STAMBPL1: variants seen among roughly 807,000 people sequenced by gnomAD.
The protein encoded by STAMBPL1 is STAM binding protein like 1.
STAMBPL1 carries 44 observed loss-of-function variants against 52.9 expected under a neutral mutation model. The ratio of observed to expected loss-of-function variants is 0.83; its 90% CI spans 0.65 to 1.07. The LOEUF is 1.07. Among genes scored for constraint, STAMBPL1 ranks in the 50% least tolerant of loss-of-function variants. STAMBPL1 has a pLI of 0.00. For missense variants in STAMBPL1, 511 were observed against 520.8 expected (o/e 0.98, Z 0.18); for synonymous variants, 164 against 177.3 (o/e 0.92, Z 0.60).
chr10:88,916,741 A>C lies in STAMBPL1; in HGVS notation c.965A>C (p.Tyr322Ser). Residue 322 changes from tyrosine to serine, a missense_variant, in exon 8 of 11, where the codon TAT (tyrosine) becomes TCT (serine). This residue lies in a region of STAMBPL1 where 137 missense variants were observed against 139.9 expected (regional missense o/e 0.98). Coordinates refer to ENST00000371926, the MANE Select transcript of STAMBPL1 (RefSeq NM_020799.4). Reference protein sequence around the residue: ...IVPKQSAGPDYCDMENVEELF... With the variant: ...IVPKQSAGPDSCDMENVEELF... Reference sequence around the variant, plus strand: ...CCAAAGCAGTCTGCGGGACCAGACTATTGTGACATGGAGAATGTAGAGGAA... The same window carrying C: ...CCAAAGCAGTCTGCGGGACCAGACTCTTGTGACATGGAGAATGTAGAGGAA... 3 of 1,610,520 alleles carry C rather than the reference A, an allele frequency of 1.9e-6. No individual in the cohort carries two copies. The highest frequency in any genetic ancestry group is 2.5e-6 in the Non-Finnish European group (3 of 1,178,572).
chr10:88,915,256 A>C (rs1477339679), intron 7 of STAMBPL1, among the ~76,000 whole-genome samples: 2 of 152,182 alleles, frequency 1.3e-5, no homozygotes, highest in Non-Finnish European at 2.9e-5. Flanking sequence ...AACAGAGATA[A>C]TGTTTCTTTG....
At chr10:88,908,887 A>G in intron 4 of STAMBPL1, 110 bp downstream of exon 4, 2 of 854,796 alleles carry the variant, frequency 2.3e-6, no homozygotes, top group Non-Finnish European at 3.5e-6. Context: ...GTTTGAGCGC[A>G]AGAAATTCAT....
intron 1 of STAMBPL1, among the ~76,000 whole-genome samples, chr10:88,881,302 AGGT>A (rs1230168854): frequency 8.5e-5 from 13 of 152,270 alleles, no homozygotes; most frequent in African/African-American, 3.1e-4. Context: ...CCAGAGCCTA[AGGT>A]GCCATAATTG....
intron 2 of STAMBPL1, among the ~76,000 whole-genome samples, chr10:88,903,467 G>T (rs1159841856): frequency 6.6e-6 from 1 of 152,186 alleles, no homozygotes; most frequent in African/African-American, 2.4e-5. Flanking sequence ...GAGTTCATAA[G>T]GGATCAGATA....
intron 1 of STAMBPL1, among the ~76,000 whole-genome samples, chr10:88,897,270 C>T (rs1010788584): frequency 1.3e-5 from 2 of 152,170 alleles, no homozygotes; most frequent in African/African-American, 4.8e-5. Flanking sequence ...ATCTCTGGGA[C>T]AGGGGTTGGC....
At chr10:88,888,090 G>A (rs1844583201) in intron 1 of STAMBPL1, among the ~76,000 whole-genome samples, 1 of 152,136 alleles carries the variant, frequency 6.6e-6, no homozygotes, top group African/African-American at 2.4e-5. Context: ...GGTGGAATCA[G>A]GAAACCACAG....
intron 5 of STAMBPL1, among the ~76,000 whole-genome samples, chr10:88,911,266 G>C (rs1300472111): frequency 1.3e-5 from 2 of 152,182 alleles, no homozygotes. Context: ...AGCGATTTAA[G>C]TAGAACTTTT....
intron 3 of STAMBPL1, 117 bp from the exon 4 acceptor site, chr10:88,908,585 A>T (rs1018261545): frequency 8.6e-6 from 7 of 814,024 alleles, no homozygotes; most frequent in Non-Finnish European, 1.4e-5. Context: ...GACTGAAGGT[A>T]AATGAATAAG....
chr10:88,922,275 A>G, intron 9 of STAMBPL1, 62 bp from the exon 10 acceptor site: 1 of 1,469,948 alleles, frequency 6.8e-7, no homozygotes, highest in South Asian at 1.1e-5. Context: ...TGTTCAAATA[A>G]AGCATCTGGA....
rs1172465327 is a variant in STAMBPL1 at position 88,913,443 on chromosome 10, C to T, written c.763C>T (p.Leu255=). The T allele has an allele frequency of 2.5e-6, 4 of 1,611,936 alleles. No homozygotes were observed. ...CAGGGCCTTAACGCCAGCTGCTACT[C>T]TAAGTGCTGTTCAGAGTAAGTGATG... ...VNRALTPAAT[L]SAVQNLVVEG... is the part of the protein sequence containing the mutation. The change falls in exon 6 of 11, where the codon CTA becomes TTA. Residue 255 remains leucine (L), a synonymous_variant. Coordinates refer to ENST00000371926, the MANE Select transcript of STAMBPL1 (RefSeq NM_020799.4).
At chr10:88,908,883 G>A in intron 4 of STAMBPL1, 106 bp downstream of exon 4, 1 of 917,270 alleles carries the variant, frequency 1.1e-6, no homozygotes. Context: ...GAGAGTTTGA[G>A]CGCAAGAAAT....
chr10:88,894,950 A>G (rs1211700319), intron 1 of STAMBPL1, among the ~76,000 whole-genome samples: 10 of 152,220 alleles, frequency 6.6e-5, no homozygotes, highest in South Asian at 4.1e-4. Flanking sequence ...GAGGAATCCT[A>G]TGCTAATTAG....
At chr10:88,890,974 G>T (rs921696280) in intron 1 of STAMBPL1, among the ~76,000 whole-genome samples, 4 of 152,160 alleles carry the variant, frequency 2.6e-5, no homozygotes, top group Non-Finnish European at 5.9e-5. Flanking sequence ...TGTACTAAGT[G>T]CCTCGTTTGG....
intron 1 of STAMBPL1, among the ~76,000 whole-genome samples, chr10:88,895,432 T>C (rs1298026506): frequency 6.6e-6 from 1 of 152,186 alleles, no homozygotes; most frequent in Non-Finnish European, 1.5e-5. Flanking sequence ...GATAACTGTC[T>C]GTCAAAAGCT....
At chr10:88,905,159 C>T (rs540059676) in intron 2 of STAMBPL1, among the ~76,000 whole-genome samples, 1 of 152,062 alleles carries the variant, frequency 6.6e-6, no homozygotes, top group South Asian at 2.1e-4. Context: ...CTAAAATGAC[C>T]TGAAACATTT....
intron 1 of STAMBPL1, among the ~76,000 whole-genome samples, chr10:88,890,393 T>C (rs1337425340): frequency 6.6e-6 from 1 of 152,162 alleles, no homozygotes; most frequent in African/African-American, 2.4e-5. Flanking sequence ...TAGAAACAAA[T>C]ACAACAACTA....
intron 2 of STAMBPL1, 68 bp downstream of exon 2, chr10:88,901,806 A>T: frequency 1.4e-6 from 2 of 1,451,668 alleles, no homozygotes; most frequent in South Asian, 1.2e-5. Flanking sequence ...AAACATACAA[A>T]TGTGAAATGA....
intron 5 of STAMBPL1, 61 bp downstream of exon 5, chr10:88,911,072 C>T (rs2133191913): frequency 2.7e-6 from 3 of 1,114,492 alleles, no homozygotes; most frequent in Middle Eastern, 2.7e-4. Context: ...TTTTGAATTT[C>T]ATTTTTATGT....
intron 1 of STAMBPL1, among the ~76,000 whole-genome samples, chr10:88,900,847 A>G (rs1473458031): frequency 2.0e-5 from 3 of 152,198 alleles, no homozygotes; most frequent in South Asian, 2.1e-4. Context: ...ACTTGTTGAC[A>G]TGGGCTAGAG....
Sources: allele counts gnomAD v4.1 joint callset (sites outside exome capture counted in the v4.1 genomes callset), GRCh38; gene constraint gnomAD v4.1.1; regional missense constraint gnomAD v4.1.1; transcripts MANE v1.5; gene names NCBI Gene and HGNC (gene_info 2026-07-23, HGNC 2026-07-21).